Variants in HOMER1 observed in about 807,000 individuals in gnomAD.
HOMER1 encodes the protein homer protein homolog 1.
Under a neutral mutation model 48.9 loss-of-function variants are expected in HOMER1, and 3 were observed. The ratio of observed to expected loss-of-function variants is 0.06; its 90% CI spans 0.03 to 0.16. The LOEUF is 0.16. Among genes scored for constraint, HOMER1 ranks in the 10% least tolerant of loss-of-function variants. HOMER1 has a pLI of 1.00. For missense variants in HOMER1, 247 were observed against 411.4 expected (o/e 0.60, Z 3.46); for synonymous variants, 134 against 146.4 (o/e 0.92, Z 0.61).
intron 1 of HOMER1, among the ~76,000 whole-genome samples, chr5:79,472,192 T>C (rs1289020789): frequency 6.6e-5 from 10 of 152,206 alleles, no homozygotes; most frequent in Non-Finnish European, 1.5e-5. Context: ...TAATAGTAAA[T>C]GAATGAATGC....
At chr5:79,394,342 G>C (rs936105040) in intron 8 of HOMER1, among the ~76,000 whole-genome samples, 2 of 152,154 alleles carry the variant, frequency 1.3e-5, no homozygotes, top group African/African-American at 2.4e-5. Flanking sequence ...GTTTCTGTGG[G>C]AGGGAGAAGG....
At chr5:79,455,579 T>C (rs1335341421) in intron 2 of HOMER1, among the ~76,000 whole-genome samples, 8 of 152,154 alleles carry the variant, frequency 5.3e-5, no homozygotes, top group Non-Finnish European at 1.2e-4. Context: ...CTTTATAAAT[T>C]ACCCAGTCTC....
At chr5:79,467,839 C>T (rs968703608) in intron 1 of HOMER1, among the ~76,000 whole-genome samples, 7 of 152,032 alleles carry the variant, frequency 4.6e-5, no homozygotes, top group Non-Finnish European at 8.8e-5. Flanking sequence ...TGCAGTGGTG[C>T]GATCAGAGCT....
In HOMER1 at chr5:79,492,907, CTTTTTTTTTTTTT is replaced by C. The variant is rs558428061; in HGVS notation, c.5+19850_5+19862del. On this transcript the variant is annotated intron_variant, in intron 1 of 8. Coordinates refer to ENST00000334082, the MANE Select transcript of HOMER1 (RefSeq NM_004272.5). ...AGAATGAAGAAAACGAAAACTTTGT[CTTTTTTTTTTTTT>C]TTTTTTTTTTTTTTTAAAGACAGAG... Among the ~76,000 whole-genome samples, 221 of 84,036 alleles carry C rather than the reference CTTTTTTTTTTTTT, an allele frequency of 2.6e-3. 2 individuals are homozygous for C. The highest frequency in any genetic ancestry group is 9.0e-3 in the African/African-American group (213 of 23,782). 55.1% of individuals were successfully genotyped at this position (84,036 alleles called of 152,430 possible). A position where few individuals can be genotyped will look rare whatever the true frequency, so the allele number is the denominator to read the frequency against.
intron 8 of HOMER1, among the ~76,000 whole-genome samples, chr5:79,379,046 T>C (rs1443526144): frequency 8.0e-6 from 1 of 125,476 alleles, no homozygotes; most frequent in Admixed American, 9.3e-5. Flanking sequence ...GAAGCCATGG[T>C]GAGTGGCACT....
intron 8 of HOMER1, 114 bp downstream of exon 8, chr5:79,396,698 GAAGTCCCGGAA>G (rs1749394974): frequency 2.0e-6 from 1 of 508,694 alleles, no homozygotes; most frequent in Non-Finnish European, 3.4e-6. Context: ...GCATGAATCA[GAAGTCCCGGAA>G]AAGAAAAATG....
At chr5:79,497,507 A>G (rs1000553074) in intron 1 of HOMER1, among the ~76,000 whole-genome samples, 1 of 151,844 alleles carries the variant, frequency 6.6e-6, no homozygotes, top group Non-Finnish European at 1.5e-5. Context: ...ATAAATAAAT[A>G]AATAAATAAT....
chr5:79,453,578 G>C (rs530577078), intron 2 of HOMER1, among the ~76,000 whole-genome samples: 1 of 152,048 alleles, frequency 6.6e-6, no homozygotes, highest in Non-Finnish European at 1.5e-5. Context: ...AAAAATTTTA[G>C]TTCTGAAAAT....
intron 1 of HOMER1, chr5:79,510,632 G>C: frequency 2.2e-6 from 2 of 914,762 alleles, no homozygotes; most frequent in African/African-American, 3.2e-5. Flanking sequence ...GGCCATGAGT[G>C]CACATGCCAA....
intron 8 of HOMER1, among the ~76,000 whole-genome samples, chr5:79,391,883 A>T (rs1051901973): frequency 1.3e-5 from 2 of 152,236 alleles, no homozygotes; most frequent in African/African-American, 4.8e-5. Flanking sequence ...AGTCATGCAC[A>T]GCATGACAAT....
At chr5:79,471,075 A>T (rs982572067) in intron 1 of HOMER1, among the ~76,000 whole-genome samples, 1 of 152,164 alleles carries the variant, frequency 6.6e-6, no homozygotes, top group Non-Finnish European at 1.5e-5. Flanking sequence ...GGATAAAGCA[A>T]GCACGACAAA....
chr5:79,503,755 A>G (rs933239841), intron 1 of HOMER1, among the ~76,000 whole-genome samples: 9 of 152,048 alleles, frequency 5.9e-5, no homozygotes, highest in South Asian at 2.1e-4. Flanking sequence ...GAAGAAAATC[A>G]TAAGTAAGAG....
intron 5 of HOMER1, among the ~76,000 whole-genome samples, chr5:79,416,745 T>C (rs1366495198): frequency 6.6e-6 from 1 of 152,176 alleles, no homozygotes; most frequent in African/African-American, 2.4e-5. Context: ...AGGTCCCAGT[T>C]TCACTTCCAC....
At chr5:79,494,750 T>A (rs1164810511) in intron 1 of HOMER1, among the ~76,000 whole-genome samples, 5 of 152,172 alleles carry the variant, frequency 3.3e-5, no homozygotes, top group African/African-American at 1.2e-4. Context: ...GTGCCTGTAA[T>A]CCCAGCTACT....
chr5:79,379,587 C>A, intron 8 of HOMER1, among the ~76,000 whole-genome samples: 1 of 147,504 alleles, frequency 6.8e-6, no homozygotes, highest in East Asian at 2.0e-4. Flanking sequence ...ATTTTCCAAC[C>A]AACCTTTCCC....
At chr5:79,463,684 CA>C (rs1456538372) in intron 1 of HOMER1, among the ~76,000 whole-genome samples, 1 of 152,204 alleles carries the variant, frequency 6.6e-6, no homozygotes, top group African/African-American at 2.4e-5. Flanking sequence ...CAGAACTATA[CA>C]AGCTACACAC....
At chr5:79,502,297 C>T (rs1303027100) in intron 1 of HOMER1, among the ~76,000 whole-genome samples, 2 of 151,982 alleles carry the variant, frequency 1.3e-5, no homozygotes, top group Non-Finnish European at 2.9e-5. Context: ...GGATTACAGA[C>T]GTGAGCCACC....
rs1561338358 is a variant in HOMER1, at chr5:79,374,759, T to A, written c.*1250A>T. On this transcript the variant is annotated 3_prime_UTR_variant, in exon 9 of 9. Coordinates refer to ENST00000334082, the MANE Select transcript of HOMER1 (RefSeq NM_004272.5). ...AATATATCATATAAAGAAATGCATG[T>A]TTGCTAAAAGTCTTTTAAAATTACA... is the stretch of plus-strand genomic sequence containing the variant. 1 of 152,060 alleles carries A rather than the reference T, an allele frequency of 6.6e-6. No homozygotes were observed. The highest frequency in any genetic ancestry group is 1.5e-5 in the Non-Finnish European group (1 of 67,922). The allele number at this position is 152,060 out of a possible 1,614,324, so 9.4% of individuals were successfully genotyped here. A position where few individuals can be genotyped will look rare whatever the true frequency, so the allele number is the denominator to read the frequency against.
chr5:79,462,907 C>T (rs1281750966), intron 1 of HOMER1, among the ~76,000 whole-genome samples: 1 of 152,166 alleles, frequency 6.6e-6, no homozygotes, highest in African/African-American at 2.4e-5. Flanking sequence ...TCCTGGTATA[C>T]CTTTAATGCC....
Sources: allele counts gnomAD v4.1 joint callset (sites outside exome capture counted in the v4.1 genomes callset), GRCh38; gene constraint gnomAD v4.1.1; transcripts MANE v1.5; gene names NCBI Gene and HGNC (gene_info 2026-07-23, HGNC 2026-07-21).